Variants in EXOC6B observed in about 807,000 individuals in gnomAD.
EXOC6B encodes exocyst complex component 6B.
EXOC6B carries 54 observed loss-of-function variants against 113.5 expected under a neutral mutation model. The observed-to-expected ratio is 0.48, with a 90% CI of 0.38 to 0.60. The LOEUF is 0.60. Among genes scored for constraint, EXOC6B ranks in the 20% least tolerant of loss-of-function variants. EXOC6B has a pLI of 0.00. For missense variants in EXOC6B, 797 were observed against 977.5 expected, an observed-to-expected ratio of 0.82 and a Z score of 2.46; for synonymous variants, 357 against 339.0, an observed-to-expected ratio of 1.05 and a Z score of -0.58.
At chr2:72,566,269 G>C (rs1032110196) in intron 7 of EXOC6B, among the ~76,000 whole-genome samples, 1 of 152,082 alleles carries the variant, frequency 6.6e-6, no homozygotes, top group Non-Finnish European at 1.5e-5. Context: ...CATATTGATA[G>C]ACTCATATAG....
At chr2:72,278,714 A>G (rs1289587089) in intron 20 of EXOC6B, among the ~76,000 whole-genome samples, 1 of 152,184 alleles carries the variant, frequency 6.6e-6, no homozygotes, top group Admixed American at 6.5e-5. Context: ...ACCTCACAAG[A>G]TTATTCTTCA....
intron 17 of EXOC6B, among the ~76,000 whole-genome samples, chr2:72,470,510 A>C (rs1001508164): frequency 1.3e-5 from 2 of 152,102 alleles, no homozygotes; most frequent in Admixed American, 1.3e-4. Flanking sequence ...GGTACATTGC[A>C]CAACGCGCAG....
intron 19 of EXOC6B, among the ~76,000 whole-genome samples, chr2:72,345,135 A>C (rs1689256309): frequency 6.6e-6 from 1 of 152,112 alleles, no homozygotes; most frequent in East Asian, 1.9e-4. Context: ...AAAATTGATA[A>C]AAGTTAACCA....
At chr2:72,254,505 A>T (rs1016545700) in intron 20 of EXOC6B, among the ~76,000 whole-genome samples, 1 of 152,186 alleles carries the variant, frequency 6.6e-6, no homozygotes, top group African/African-American at 2.4e-5. Flanking sequence ...TTTTGTTTTA[A>T]GCCACCAAGT....
At chr2:72,348,554 T>A (rs1274033437) in intron 19 of EXOC6B, among the ~76,000 whole-genome samples, 7 of 152,164 alleles carry the variant, frequency 4.6e-5, no homozygotes, top group Non-Finnish European at 5.9e-5. Context: ...TTCAAATTTA[T>A]CATGTTGAAA....
chr2:72,418,969 CTTT>C (rs1694702140), intron 18 of EXOC6B, among the ~76,000 whole-genome samples: 1 of 151,882 alleles, frequency 6.6e-6, no homozygotes, highest in Admixed American at 6.6e-5. Context: ...CTAATTTCTT[CTTT>C]TGTGTATCGA....
In EXOC6B at chr2:72,575,550, G is replaced by A. The variant is rs758788765; in HGVS notation, c.788C>T (p.Pro263Leu). The stretch of plus-strand genomic sequence containing the variant: ...AATTCCTGAATCCTGTTCAGACTTC[G>A]GACTAGTACTTTCTATCTCTGTATC... ...IFDTEIESTS[P>L]KSEQDSGILD... The change falls in exon 7 of 22, where the codon CCG (proline) becomes CTG (leucine). Residue 263 changes from proline (P) to leucine (L), a missense_variant. Physicochemically the swap from Pro to Leu is moderately conservative, Grantham distance 98 (BLOSUM62 -3). Transcript: ENST00000272427. 17 of 1,610,142 alleles carry A rather than the reference G, an allele frequency of 1.1e-5. No individual in the cohort carries two copies. The East Asian group carries it at 1.1e-4, about 11-fold the overall frequency.
chr2:72,673,263 C>T (rs1676037445), intron 6 of EXOC6B, among the ~76,000 whole-genome samples: 1 of 152,136 alleles, frequency 6.6e-6, no homozygotes, highest in Non-Finnish European at 1.5e-5. Context: ...TTAAAATATA[C>T]TAATGCCCAG....
intron 6 of EXOC6B, among the ~76,000 whole-genome samples, chr2:72,704,724 C>A (rs925806429): frequency 1.3e-4 from 20 of 150,410 alleles, no homozygotes; most frequent in African/African-American, 4.9e-4. Flanking sequence ...ACTAGAAAAT[C>A]TAGAAGAAAT....
intron 1 of EXOC6B, among the ~76,000 whole-genome samples, chr2:72,788,664 G>A (rs1264070061): frequency 6.6e-6 from 1 of 152,036 alleles, no homozygotes; most frequent in Non-Finnish European, 1.5e-5. Context: ...CAAGTGTGGT[G>A]GTATGCACCT....
At chr2:72,349,956 G>C (rs1689556265) in intron 19 of EXOC6B, among the ~76,000 whole-genome samples, 1 of 152,110 alleles carries the variant, frequency 6.6e-6, no homozygotes, top group Admixed American at 6.5e-5. Flanking sequence ...GTTACAGTTA[G>C]ATTGAATTGT....
rs1228855652 is a variant in EXOC6B at position 72,515,050 on chromosome 2, G to A, written c.992C>T (p.Ser331Phe). 1 of 1,604,198 alleles carries A rather than the reference G, an allele frequency of 6.2e-7. No individual in the cohort carries two copies. The change falls in exon 9 of 22, where the codon TCT (serine) becomes TTT (phenylalanine). Residue 331 changes from serine to phenylalanine, a missense_variant. Transcript: ENST00000272427. The stretch of plus-strand genomic sequence containing the variant: ...TGAAGATGGTAATCCTACCATGTTA[G>A]ATGGAGGTTGAAGTACCAAACGAGC... ...KQARLVLQPPSNMHETLDGYR... is the reference protein window; with the variant it reads ...KQARLVLQPPFNMHETLDGYR...
rs192485996 is a variant in EXOC6B at position 72,368,555 on chromosome 2, C to T, written c.2122+11174G>A. On this transcript the variant is annotated intron_variant, in intron 19 of 21. Transcript: ENST00000272427. Reference sequence around the variant, plus strand: ...CTGATACTAAAGCCTGGCAGAGACACAACAAAAAAAGAGAATTTTAGACCA... The same window carrying T: ...CTGATACTAAAGCCTGGCAGAGACATAACAAAAAAAGAGAATTTTAGACCA... Among the ~76,000 whole-genome samples the T allele has an allele frequency of 4.8e-3, 729 of 152,110 alleles. 7 individuals are homozygous for T. The highest frequency in any genetic ancestry group is 0.016 in the African/African-American group (676 of 41,506).
At chr2:72,289,031 A>G in intron 20 of EXOC6B, 2 of 289,052 alleles carry the variant, frequency 6.9e-6, no homozygotes, top group South Asian at 4.5e-5. Context: ...GTTTCATTGT[A>G]TTGACAACCT....
At chr2:72,206,892 T>G (rs1679874765) in intron 20 of EXOC6B, among the ~76,000 whole-genome samples, 1 of 152,168 alleles carries the variant, frequency 6.6e-6, no homozygotes, top group African/African-American at 2.4e-5. Context: ...CAACATATGC[T>G]TTTTGCAAAA....
At chr2:72,337,697 A>T (rs1688769824) in intron 19 of EXOC6B, among the ~76,000 whole-genome samples, 1 of 152,218 alleles carries the variant, frequency 6.6e-6, no homozygotes, top group Non-Finnish European at 1.5e-5. Context: ...TGACAGTTGC[A>T]TCAGGTATGA....
At chr2:72,493,887 G>T (rs1185516756) in intron 15 of EXOC6B, among the ~76,000 whole-genome samples, 2 of 152,050 alleles carry the variant, frequency 1.3e-5, no homozygotes, top group Non-Finnish European at 2.9e-5. Context: ...TGTTTTGAGA[G>T]CCTGCATGTA....
At chr2:72,409,552 T>A (rs1243535575) in intron 18 of EXOC6B, among the ~76,000 whole-genome samples, 2 of 152,012 alleles carry the variant, frequency 1.3e-5, no homozygotes, top group Non-Finnish European at 2.9e-5. Context: ...AAATGATGAG[T>A]TCATGTCCTT....
At chr2:72,654,193 A>G (rs537345523) in intron 6 of EXOC6B, among the ~76,000 whole-genome samples, 1 of 152,240 alleles carries the variant, frequency 6.6e-6, no homozygotes, top group Non-Finnish European at 1.5e-5. Flanking sequence ...GATGGTCTCG[A>G]TCTCCTGACC....
Sources: gnomAD v4.1 joint callset for allele counts (sites outside exome capture counted in the v4.1 genomes callset) on GRCh38, gnomAD v4.1.1 for gene constraint, MANE v1.5 for transcripts, NCBI Gene and HGNC (gene_info 2026-07-23, HGNC 2026-07-21) for gene names.